The following CCSER1 variants were observed in gnomAD, a reference collection of about 807,000 sequenced individuals.
The protein encoded by CCSER1 is coiled-coil serine rich protein 1.
A neutral mutation model predicts 82.0 loss-of-function variants in CCSER1; 41 were observed. The ratio of observed to expected loss-of-function variants is 0.50; its 90% confidence interval spans 0.39 to 0.65. CCSER1 has a LOEUF of 0.65. CCSER1 is among the 30% of genes least tolerant of loss of function. The probability of loss-of-function intolerance (pLI) is 0.00; values close to 1 mark genes in which losing one functional copy is unlikely to be tolerated. For missense variants in CCSER1, 1,119 were observed against 1,064.2 expected (o/e 1.05, Z -0.72); for synonymous variants, 414 against 383.9 (o/e 1.08, Z -0.92).
chr4:90,650,196 G>A (rs183038677), intron 6 of CCSER1, among the ~76,000 whole-genome samples: 160 of 151,838 alleles, frequency 1.1e-3, no homozygotes, highest in African/African-American at 3.8e-3. Context: ...CAGCCTGGGC[G>A]ACTGAGCAAG....
At position 91,488,965 on chromosome 4, in the gene CCSER1, A is replaced by C. The variant is rs1758366712; in HGVS notation, c.2218-109607A>C. 2.0e-5 allele frequency among the ~76,000 whole-genome samples: 3 copies of C among 152,172 alleles called. No homozygotes were observed. In the South Asian group the frequency reaches 6.2e-4, roughly 31 times the overall value. Reference sequence around the variant, plus strand: ...TAAGTTTCAAGCATCAAAAAACACAAATGAAAAGAGAGTGGTCTAAAATGG... The same window carrying C: ...TAAGTTTCAAGCATCAAAAAACACACATGAAAAGAGAGTGGTCTAAAATGG... On this transcript the variant is annotated intron_variant, in intron 10 of 10. Coordinates refer to ENST00000509176, the MANE Select transcript of CCSER1 (RefSeq NM_001145065.2).
intron 10 of CCSER1, among the ~76,000 whole-genome samples, chr4:91,258,802 A>G (rs1560548473): frequency 6.6e-6 from 1 of 152,148 alleles, no homozygotes; most frequent in African/African-American, 2.4e-5. Flanking sequence ...CTTTATAAAT[A>G]TTATTCATTT....
In CCSER1 at chr4:91,366,192, T is replaced by C. The variant is rs536718339; in HGVS notation, c.2218-232380T>C. Among the ~76,000 whole-genome samples the C allele has an allele frequency of 9.9e-5, 15 of 152,226 alleles. 1 individual carries two copies. In the South Asian group the frequency reaches 3.1e-3, roughly 32 times the overall value. ...CCACCTCCACGCCCAGCTAATTTTT[T>C]GTATTTTTAGTAGAAATTGGGTTTC... On this transcript the variant is annotated intron_variant, in intron 10 of 10. Coordinates refer to ENST00000509176, the MANE Select transcript of CCSER1 (RefSeq NM_001145065.2).
chr4:90,310,471 C>A (rs1467233690), intron 2 of CCSER1, among the ~76,000 whole-genome samples: 1 of 151,994 alleles, frequency 6.6e-6, no homozygotes, highest in Non-Finnish European at 1.5e-5. Context: ...AGATATTATT[C>A]TGTATACTTT....
intron 10 of CCSER1, among the ~76,000 whole-genome samples, chr4:91,483,380 C>T (rs1758050202): frequency 6.6e-6 from 1 of 151,886 alleles, no homozygotes; most frequent in Non-Finnish European, 1.5e-5. Context: ...ATGGGCCTGA[C>T]TTAAAGGCCT....
chr4:90,315,660 T>C (rs971469953), intron 3 of CCSER1, among the ~76,000 whole-genome samples: 5 of 152,030 alleles, frequency 3.3e-5, no homozygotes, highest in Non-Finnish European at 7.4e-5. Context: ...TGTGCCACCA[T>C]GCCTGCCTAA....
Position 91,185,677 on chromosome 4 carries a change from G to A in CCSER1, c.2217+99683G>A, listed in dbSNP as rs1734469092. Among the ~76,000 whole-genome samples, 5 of 152,308 alleles carry A rather than the reference G, an allele frequency of 3.3e-5. No individual in the cohort carries two copies. In the South Asian group the frequency reaches 1.0e-3, roughly 32 times the overall value. ...TCTTTATCAAACTTAGGGTGACATT[G>A]ATTAGCCCAATGTTTTCCTTTTCTA... On this transcript the variant is annotated intron_variant, in intron 10 of 10. Transcript: ENST00000509176.
intron 10 of CCSER1, among the ~76,000 whole-genome samples, chr4:91,165,010 T>G (rs1731878931): frequency 6.6e-6 from 1 of 152,158 alleles, no homozygotes; most frequent in Admixed American, 6.5e-5. Context: ...GGAGAAGAGG[T>G]GCTCTAATTT....
chr4:90,229,754 C>G (rs1744058993), intron 1 of CCSER1, among the ~76,000 whole-genome samples: 1 of 151,542 alleles, frequency 6.6e-6, no homozygotes, highest in East Asian at 1.9e-4. Context: ...CACGTAGGCT[C>G]AAAATAAAAG....
At chr4:90,675,473 A>AT (rs1307676114) in intron 6 of CCSER1, among the ~76,000 whole-genome samples, 1 of 151,878 alleles carries the variant, frequency 6.6e-6, no homozygotes, top group East Asian at 1.9e-4. Context: ...TCAAATTGGT[A>AT]TTTTTTGTAT....
At chr4:91,234,017 T>C (rs1273251874) in intron 10 of CCSER1, among the ~76,000 whole-genome samples, 1 of 151,974 alleles carries the variant, frequency 6.6e-6, no homozygotes, top group Non-Finnish European at 1.5e-5. Context: ...GTTTTCTCAC[T>C]TATGTTACTA....
At chr4:91,116,961 A>G (rs1326852763) in intron 10 of CCSER1, among the ~76,000 whole-genome samples, 2 of 152,176 alleles carry the variant, frequency 1.3e-5, no homozygotes, top group Non-Finnish European at 2.9e-5. Context: ...AAATTTTTAT[A>G]TTTGTTTGCT....
chr4:91,324,458 T>C (rs1234182139), intron 10 of CCSER1, among the ~76,000 whole-genome samples: 1 of 152,134 alleles, frequency 6.6e-6, no homozygotes, highest in Non-Finnish European at 1.5e-5. Context: ...GTTTTGAAAA[T>C]GTTGGATCTT....
intron 5 of CCSER1, among the ~76,000 whole-genome samples, chr4:90,480,451 C>G (rs1765766423): frequency 6.6e-6 from 1 of 152,074 alleles, no homozygotes; most frequent in Non-Finnish European, 1.5e-5. Context: ...AAGTCCTTGC[C>G]CATGCCTACA....
At chr4:90,871,507 A>T (rs1370616305) in intron 8 of CCSER1, among the ~76,000 whole-genome samples, 2 of 151,812 alleles carry the variant, frequency 1.3e-5, no homozygotes, top group East Asian at 1.9e-4. Flanking sequence ...TTTCAGTTTT[A>T]TTCCATTGTA....
intron 9 of CCSER1, among the ~76,000 whole-genome samples, chr4:91,037,517 A>C (rs1741551468): frequency 6.6e-6 from 1 of 152,110 alleles, no homozygotes; most frequent in African/African-American, 2.4e-5. Flanking sequence ...ATTGTGTTCC[A>C]CTTTAACCTT....
intron 10 of CCSER1, among the ~76,000 whole-genome samples, chr4:91,257,995 A>G (rs1740829033): frequency 6.6e-6 from 1 of 152,128 alleles, no homozygotes; most frequent in Admixed American, 6.5e-5. Context: ...GTAAGACATC[A>G]TTCTCCACAA....
intron 3 of CCSER1, among the ~76,000 whole-genome samples, chr4:90,341,811 T>C (rs1193705004): frequency 6.6e-6 from 1 of 152,186 alleles, no homozygotes; most frequent in Non-Finnish European, 1.5e-5. Context: ...TCTGCCTTAA[T>C]CATGGAGATT....
chr4:90,239,714 A>T (rs1746480711), intron 1 of CCSER1, among the ~76,000 whole-genome samples: 1 of 152,016 alleles, frequency 6.6e-6, no homozygotes, highest in African/African-American at 2.4e-5. Flanking sequence ...CCTGGTCTCA[A>T]GTGACTCCTG....
Sources: allele counts gnomAD v4.1 joint callset (sites outside exome capture counted in the v4.1 genomes callset), GRCh38; gene constraint gnomAD v4.1.1; transcripts MANE v1.5; gene names NCBI Gene and HGNC (gene_info 2026-07-23, HGNC 2026-07-21).